Variants in EML6 observed in about 807,000 individuals in gnomAD.
EML6 encodes echinoderm microtubule-associated protein-like 6.
Under a neutral mutation model 240.1 loss-of-function variants are expected in EML6, and 154 were observed. That is an observed-to-expected ratio of 0.64 (90% CI 0.56 to 0.73). The LOEUF (loss-of-function observed/expected upper bound fraction) is 0.73. Ranked by LOEUF, EML6 falls within the 30% of genes least tolerant of loss-of-function variation. The probability of loss-of-function intolerance (pLI) is 0.00; values close to 1 mark genes in which losing one functional copy is unlikely to be tolerated. For missense variants in EML6, 2,964 were observed against 2,474.6 expected, an observed-to-expected ratio of 1.20 and a Z score of -4.20; for synonymous variants, 1,148 against 899.0, an observed-to-expected ratio of 1.28 and a Z score of -4.95.
chr2:54,946,510 T>C (rs1348212771), intron 28 of EML6, among the ~76,000 whole-genome samples: 6 of 152,226 alleles, frequency 3.9e-5, no homozygotes, highest in Non-Finnish European at 5.9e-5. Context: ...AGGATTTAGA[T>C]CCACGGAAAA....
chr2:54,772,721 G>A (rs1467464868), intron 2 of EML6, among the ~76,000 whole-genome samples: 4 of 152,186 alleles, frequency 2.6e-5, no homozygotes, highest in African/African-American at 9.7e-5. Context: ...TTACACAGCT[G>A]GTAAGTGGCA....
At chr2:54,727,487 T>G (rs1437486289) in intron 2 of EML6, among the ~76,000 whole-genome samples, 4 of 152,242 alleles carry the variant, frequency 2.6e-5, no homozygotes, top group Non-Finnish European at 5.9e-5. Flanking sequence ...AATATCTTTT[T>G]CTGGTGAAGA....
At chr2:54,900,896 GGT>G (rs1673020332) in intron 22 of EML6, among the ~76,000 whole-genome samples, 1 of 152,176 alleles carries the variant, frequency 6.6e-6, no homozygotes, top group African/African-American at 2.4e-5. Context: ...TCATCAGAGA[GGT>G]GACGAGCTGA....
intron 30 of EML6, among the ~76,000 whole-genome samples, chr2:54,951,510 A>C (rs1385422234): frequency 6.6e-6 from 1 of 151,634 alleles, no homozygotes; most frequent in East Asian, 1.9e-4. Flanking sequence ...GCGCCATTGC[A>C]CTCCAGCCTG....
chr2:54,892,310 T>A, intron 18 of EML6, 144 bp from the exon 19 acceptor site: 2 of 623,708 alleles, frequency 3.2e-6, no homozygotes, highest in South Asian at 2.0e-5. Context: ...AATATTTTTG[T>A]TCATGATGTT....
chr2:54,811,507 G>A (rs1667841987), intron 2 of EML6, among the ~76,000 whole-genome samples: 1 of 152,160 alleles, frequency 6.6e-6, no homozygotes, highest in Non-Finnish European at 1.5e-5. Flanking sequence ...TACTGTGTAT[G>A]TATATTGACA....
At chr2:54,748,979 G>A (rs1213533364) in intron 2 of EML6, among the ~76,000 whole-genome samples, 2 of 152,138 alleles carry the variant, frequency 1.3e-5, no homozygotes, top group African/African-American at 2.4e-5. Flanking sequence ...ACATCCTTAT[G>A]TATACTTTCT....
rs878976489 is a variant in EML6 at position 54,971,496 on chromosome 2, TAA to T, written c.*1404_*1405del. On this transcript the variant is annotated 3_prime_UTR_variant, in exon 42 of 42. Transcript: ENST00000356458. ...TGCATTTGTCAGTTTAGAGAAAAGG[TAA>T]AATGAGGCATTTTCAATTGTAGAAT... The T allele has an allele frequency of 4.6e-5, 7 of 152,224 alleles. No individual in the cohort carries two copies. Among genetic ancestry groups the T allele is most frequent in the South Asian group, 2.1e-4 (1 of 4,830 alleles). 9.4% of individuals were successfully genotyped at this position (152,224 alleles called of 1,614,324 possible). A position where few individuals can be genotyped will look rare whatever the true frequency, so the allele number is the denominator to read the frequency against.
At chr2:54,871,679 A>T (rs1019411231) in intron 16 of EML6, 74 bp downstream of exon 16, 43 of 1,052,244 alleles carry the variant, frequency 4.1e-5, no homozygotes, top group Non-Finnish European at 5.4e-5. Flanking sequence ...TGCCCCGCGC[A>T]TGCGCGCACG....
chr2:54,934,251 A>C (rs1675015444), intron 28 of EML6, among the ~76,000 whole-genome samples: 1 of 152,180 alleles, frequency 6.6e-6, no homozygotes, highest in South Asian at 2.1e-4. Context: ...ACAGCTCTCC[A>C]AGTGTCCCAG....
chr2:54,888,306 T>G (rs954016047), intron 17 of EML6, among the ~76,000 whole-genome samples: 9 of 152,144 alleles, frequency 5.9e-5, no homozygotes, highest in Non-Finnish European at 1.2e-4. Context: ...GGCCAAGCAC[T>G]AAGGTTCCAC....
At chr2:54,925,646 G>C (rs772359657) in intron 26 of EML6, among the ~76,000 whole-genome samples, 19 of 152,098 alleles carry the variant, frequency 1.2e-4, no homozygotes, top group Non-Finnish European at 2.2e-4. Flanking sequence ...TTCCCAATTA[G>C]ATCATTAGTG....
chr2:54,878,744 C>T (rs1390399363), intron 16 of EML6, among the ~76,000 whole-genome samples: 1 of 152,072 alleles, frequency 6.6e-6, no homozygotes, highest in Non-Finnish European at 1.5e-5. Flanking sequence ...TCTATTCTTG[C>T]CACTTTTCTA....
At chr2:54,889,578 T>C (rs759078612) in intron 17 of EML6, among the ~76,000 whole-genome samples, 3 of 151,986 alleles carry the variant, frequency 2.0e-5, no homozygotes, top group Non-Finnish European at 2.9e-5. Flanking sequence ...TCCTCCATTA[T>C]ATTTTTCAAC....
chr2:54,803,509 C>T (rs1041307978), intron 2 of EML6, among the ~76,000 whole-genome samples: 1 of 152,124 alleles, frequency 6.6e-6, no homozygotes, highest in African/African-American at 2.4e-5. Context: ...GTTGTCACTT[C>T]TATTTAAGCC....
chr2:54,823,113 G>T (rs1668405884), intron 5 of EML6, among the ~76,000 whole-genome samples: 1 of 152,160 alleles, frequency 6.6e-6, no homozygotes, highest in South Asian at 2.1e-4. Context: ...AAGAAAAACA[G>T]ACGCCACTTT....
At chr2:54,946,196 A>ACCCTGCCC (rs926393868) in intron 28 of EML6, among the ~76,000 whole-genome samples, 38 of 151,918 alleles carry the variant, frequency 2.5e-4, no homozygotes, top group African/African-American at 8.7e-4. Context: ...TTGTTCCCTG[A>ACCCTGCCC]CCCTGCCCCC....
chr2:54,949,810 C>T (rs994731159), intron 29 of EML6, among the ~76,000 whole-genome samples: 1 of 152,234 alleles, frequency 6.6e-6, no homozygotes, highest in Non-Finnish European at 1.5e-5. Flanking sequence ...AAACCCACCG[C>T]TAGTGTTCTC....
intron 3 of EML6, among the ~76,000 whole-genome samples, chr2:54,815,184 T>C (rs1668027222): frequency 6.6e-6 from 1 of 152,240 alleles, no homozygotes; most frequent in African/African-American, 2.4e-5. Flanking sequence ...TGTTAATTTA[T>C]GTTAGAATCC....
Sources: gnomAD v4.1 joint callset for allele counts (sites outside exome capture counted in the v4.1 genomes callset) on GRCh38, gnomAD v4.1.1 for gene constraint, MANE v1.5 for transcripts, NCBI Gene and HGNC (gene_info 2026-07-23, HGNC 2026-07-21) for gene names.